Variants in INPP5F observed in about 807,000 individuals in gnomAD.
INPP5F encodes the protein inositol polyphosphate-5-phosphatase F.
In INPP5F, 97 loss-of-function variants were observed where a neutral mutation model predicts 137.2. That is an observed-to-expected ratio of 0.71 (90% CI 0.60 to 0.84). The LOEUF is 0.84. INPP5F is among the 40% of genes least tolerant of loss of function. INPP5F has a pLI of 0.00. For missense variants in INPP5F, 1,271 were observed against 1,371.9 expected (o/e 0.93, Z 1.16); for synonymous variants, 504 against 476.9 (o/e 1.06, Z -0.74).
At chr10:119,784,315 G>C (rs1458901162) in intron 3 of INPP5F, among the ~76,000 whole-genome samples, 1 of 152,098 alleles carries the variant, frequency 6.6e-6, no homozygotes, top group Non-Finnish European at 1.5e-5. Flanking sequence ...TTTGTGCCTA[G>C]GCTCTTTGGA....
chr10:119,825,617 A>T (rs1851726493), intron 19 of INPP5F, among the ~76,000 whole-genome samples: 1 of 152,168 alleles, frequency 6.6e-6, no homozygotes, highest in South Asian at 2.1e-4. Context: ...AAACATTGAA[A>T]TTTTTTCTAA....
intron 3 of INPP5F, among the ~76,000 whole-genome samples, chr10:119,785,570 G>GAGAGAGAGAGAGAGAGAGAC (rs1849874532): frequency 6.6e-6 from 1 of 151,542 alleles, no homozygotes; most frequent in Non-Finnish European, 1.5e-5. Flanking sequence ...GAGAGAGAGA[G>GAGAGAGAGAGAGAGAGAGAC]AGAGAGAGAC....
intron 9 of INPP5F, among the ~76,000 whole-genome samples, chr10:119,803,136 T>C (rs944021403): frequency 6.6e-6 from 1 of 152,218 alleles, no homozygotes; most frequent in Non-Finnish European, 1.5e-5. Flanking sequence ...AGCACTTTGC[T>C]TTCTTACCTT....
chr10:119,817,500 A>G (rs1047115917), intron 15 of INPP5F, among the ~76,000 whole-genome samples: 1 of 152,108 alleles, frequency 6.6e-6, no homozygotes, highest in African/African-American at 2.4e-5. Context: ...CTTTGCCAAC[A>G]CTTATTTTCC....
intron 19 of INPP5F, 47 bp from the exon 20 acceptor site, chr10:119,826,584 T>G: frequency 1.4e-6 from 2 of 1,390,408 alleles, no homozygotes; most frequent in South Asian, 1.4e-5. Flanking sequence ...GGAACTGGCA[T>G]ATTGGATTCC....
rs1312323185 is a variant in INPP5F, at chr10:119,806,496, T to C, written c.1440+16T>C. 2.5e-6 allele frequency: 4 copies of C among 1,571,430 alleles called. No homozygotes were observed. Among genetic ancestry groups the C allele is most frequent in the East Asian group, 4.5e-5 (2 of 44,298 alleles). On this transcript the variant is annotated intron_variant, in intron 12 of 19. Transcript: ENST00000650623. ...GGAACAGCAGGTAATTTGGAGTCTG[T>C]TGGATTGCAAATATTCATTTCGAAA...
At chr10:119,726,721 G>T (rs1005941120) in intron 1 of INPP5F, among the ~76,000 whole-genome samples, 4 of 152,236 alleles carry the variant, frequency 2.6e-5, no homozygotes, top group African/African-American at 9.6e-5. Context: ...CCTTGGAGTA[G>T]TTCTTACATG....
chr10:119,751,004 A>G (rs1564807801), intron 1 of INPP5F, 72 bp from the exon 2 acceptor site: 2 of 969,518 alleles, frequency 2.1e-6, no homozygotes, highest in Non-Finnish European at 3.3e-6. Flanking sequence ...TTTTCAATAC[A>G]CTGCTAAAGA....
chr10:119,789,608 C>T lies in INPP5F; in HGVS notation c.316-1909C>T, dbSNP rs145976292. On this transcript the variant is annotated intron_variant, in intron 3 of 19. Transcript: ENST00000650623. The stretch of plus-strand genomic sequence containing the variant: ...CAACAAGACAAAGATCCTGCCTCAA[C>T]CTCTGGTTTTGGACATGTTGAGTTT... Among the ~76,000 whole-genome samples, 396 of 152,070 alleles carry T rather than the reference C, an allele frequency of 2.6e-3. 1 individual carries two copies. Among genetic ancestry groups the T allele is most frequent in the African/African-American group, 8.7e-3 (360 of 41,488 alleles).
intron 6 of INPP5F, among the ~76,000 whole-genome samples, chr10:119,796,257 T>A (rs148142273): frequency 1.8e-3 from 267 of 152,314 alleles, no homozygotes; most frequent in Non-Finnish European, 3.2e-3. Context: ...TATAATAAAG[T>A]GATCAGAGTT....
chr10:119,795,487 G>A (rs1299502378), intron 6 of INPP5F, among the ~76,000 whole-genome samples: 8 of 150,924 alleles, frequency 5.3e-5, no homozygotes, highest in Admixed American at 1.3e-4. Flanking sequence ...ATGGGCGGCC[G>A]GGCAGAGACG....
chr10:119,819,554 G>C, intron 15 of INPP5F: 1 of 1,585,896 alleles, frequency 6.3e-7, no homozygotes, highest in Non-Finnish European at 8.6e-7. Flanking sequence ...GTATCAACGC[G>C]TAAAACTTAA....
intron 14 of INPP5F, 81 bp from the exon 15 acceptor site, chr10:119,811,676 T>G: frequency 9.1e-7 from 1 of 1,104,220 alleles, no homozygotes; most frequent in South Asian, 1.5e-5. Context: ...CTTTACAGTT[T>G]TAGGTCTTAC....
In INPP5F at chr10:119,827,404, C is replaced by T. The variant is rs61736542; in HGVS notation, c.3023C>T (p.Pro1008Leu). The T allele has an allele frequency of 1.1e-4, 173 of 1,614,142 alleles. 1 individual carries two copies. The African/African-American group carries it at 2.1e-3, about 20-fold the overall frequency. Reference protein sequence around the residue: ...ETQSESTEQTPSRPSQLDVSL... With the variant: ...ETQSESTEQTLSRPSQLDVSL... ...CAATCAGAATCAACAGAACAGACAC[C>T]TTCTCGGCCATCGCAATTAGATGTC... Residue 1008 changes from proline (P) to leucine (L), a missense_variant, in exon 20 of 20, where the codon CCT (proline) becomes CTT (leucine). Physicochemically the swap from Pro to Leu is moderately conservative, Grantham distance 98 (BLOSUM62 -3). Coordinates refer to ENST00000650623, the MANE Select transcript of INPP5F (RefSeq NM_014937.4).
intron 2 of INPP5F, 44 bp downstream of exon 2, chr10:119,751,200 C>A: frequency 8.3e-7 from 1 of 1,199,070 alleles, no homozygotes; most frequent in Non-Finnish European, 1.2e-6. Context: ...TTTATTGTAG[C>A]ATTTTTTGGT....
chr10:119,807,977 A>G lies in INPP5F; in HGVS notation c.1486A>G (p.Lys496Glu), dbSNP rs1850860873. ...GCCCCCGGAACAGCCATTACCTGTGAAATGTAATCGCATCTACCAGATAAT... is the reference window on the plus strand; with the variant it reads ...GCCCCCGGAACAGCCATTACCTGTGGAATGTAATCGCATCTACCAGATAAT... The part of the protein sequence containing the change: ...VMPPEQPLPV[K>E]CNRIYQIMWA... Residue 496 changes from lysine (K) to glutamate (E), a missense_variant, in exon 13 of 20, where the codon AAA becomes GAA. Physicochemically the swap from Lys to Glu is moderately conservative, Grantham distance 56 (BLOSUM62 1). This residue lies in a region of INPP5F where 593 missense variants were observed against 712.4 expected (regional missense o/e 0.83). Coordinates refer to ENST00000650623, the MANE Select transcript of INPP5F (RefSeq NM_014937.4). The G allele has an allele frequency of 6.2e-7, 1 of 1,613,996 alleles. No individual in the cohort carries two copies. The highest frequency in any genetic ancestry group is 8.5e-7 in the Non-Finnish European group (1 of 1,179,970).
intron 2 of INPP5F, among the ~76,000 whole-genome samples, chr10:119,765,785 A>G (rs987144562): frequency 4.0e-4 from 53 of 131,202 alleles, no homozygotes; most frequent in East Asian, 1.3e-3. Context: ...GTGTGTGTGT[A>G]TAGTGTATAT....
intron 9 of INPP5F, among the ~76,000 whole-genome samples, chr10:119,802,997 T>A (rs1002191226): frequency 2.6e-5 from 4 of 152,242 alleles, no homozygotes. Flanking sequence ...TGTAGTCTCA[T>A]GTTTATTAGC....
chr10:119,771,626 C>G (rs891731967), intron 2 of INPP5F, among the ~76,000 whole-genome samples: 3 of 151,490 alleles, frequency 2.0e-5, no homozygotes, highest in African/African-American at 7.3e-5. Flanking sequence ...ATTTTCCCAG[C>G]CTTCCCAAGT....
Sources: gnomAD v4.1 joint callset for allele counts (sites outside exome capture counted in the v4.1 genomes callset) on GRCh38, gnomAD v4.1.1 for gene constraint, gnomAD v4.1.1 regional missense constraint, MANE v1.5 for transcripts, NCBI Gene and HGNC (gene_info 2026-07-23, HGNC 2026-07-21) for gene names.